Variants in MAML3 observed in about 807,000 individuals in gnomAD.
MAML3 encodes the protein mastermind-like protein 3.
A neutral mutation model predicts 101.9 loss-of-function variants in MAML3; 27 were observed. The observed-to-expected ratio is 0.27, with a 90% CI of 0.20 to 0.37. The LOEUF is 0.37. Ranked by LOEUF, MAML3 falls within the 10% of genes least tolerant of loss-of-function variation. MAML3 has a pLI of 1.00. For missense variants in MAML3, 1,316 were observed against 1,444.9 expected (o/e 0.91, Z 1.45); for synonymous variants, 501 against 555.9 (o/e 0.90, Z 1.39).
intron 1 of MAML3, among the ~76,000 whole-genome samples, chr4:140,062,421 T>C (rs1209933385): frequency 1.3e-5 from 2 of 152,102 alleles, no homozygotes; most frequent in Non-Finnish European, 2.9e-5. Flanking sequence ...TCAGATATTC[T>C]TGGGGCAGGG....
intron 1 of MAML3, among the ~76,000 whole-genome samples, chr4:140,151,568 C>T (rs1244648252): frequency 6.6e-6 from 1 of 152,094 alleles, no homozygotes; most frequent in Non-Finnish European, 1.5e-5. Flanking sequence ...AGGGCCGCCC[C>T]TGCCGGGCTC....
Position 139,932,616 on chromosome 4 carries a change from G to A in MAML3, c.469-41649C>T, listed in dbSNP as rs191398575. 2.6e-3 allele frequency among the ~76,000 whole-genome samples: 402 copies of A among 152,276 alleles called. 2 individuals carry two copies. The highest frequency in any genetic ancestry group is 8.7e-3 in the African/African-American group (363 of 41,546). On this transcript the variant is annotated intron_variant, in intron 1 of 4. Coordinates refer to ENST00000509479, the MANE Select transcript of MAML3 (RefSeq NM_018717.5). ...CTAATAGACACTATCTTTGAACCAAGTCTTTGCTAGTCCAAGGAGATATCA... is the reference window on the plus strand; with the variant it reads ...CTAATAGACACTATCTTTGAACCAAATCTTTGCTAGTCCAAGGAGATATCA...
At chr4:139,874,820 T>C (rs542404856) in intron 2 of MAML3, among the ~76,000 whole-genome samples, 1,974 of 151,156 alleles carry the variant, frequency 0.013, 35 homozygotes, top group African/African-American at 0.046. Context: ...TTTTTTTTTT[T>C]TGAGATGGAG....
intron 1 of MAML3, among the ~76,000 whole-genome samples, chr4:140,145,871 C>CTTTTT (rs1320602930): frequency 1.5e-4 from 5 of 32,692 alleles, no homozygotes; most frequent in Non-Finnish European, 4.0e-4. Flanking sequence ...CCTTTTTTTT[C>CTTTTT]TTTTTTCTTT....
chr4:140,083,929 CG>C (rs1727903379), intron 1 of MAML3, among the ~76,000 whole-genome samples: 2 of 85,260 alleles, frequency 2.3e-5, no homozygotes, highest in Non-Finnish European at 4.5e-5. Context: ...AACACACACG[CG>C]CGCACACACA....
At chr4:139,935,505 C>T (rs893116262) in intron 1 of MAML3, among the ~76,000 whole-genome samples, 1 of 152,018 alleles carries the variant, frequency 6.6e-6, no homozygotes, top group Admixed American at 6.6e-5. Context: ...AACTCCCTGC[C>T]CTCCTTCTCT....
chr4:140,028,462 C>A (rs954802102), intron 1 of MAML3, among the ~76,000 whole-genome samples: 1 of 152,208 alleles, frequency 6.6e-6, no homozygotes, highest in Non-Finnish European at 1.5e-5. Context: ...CTCCTTCTCT[C>A]TCTCTCTTTC....
At chr4:139,904,896 TATCTAAACAC>T (rs1236374417) in intron 1 of MAML3, among the ~76,000 whole-genome samples, 3 of 152,202 alleles carry the variant, frequency 2.0e-5, no homozygotes, top group Non-Finnish European at 4.4e-5. Context: ...TATCTAACCA[TATCTAAACAC>T]AGAAAAGGTA....
chr4:139,865,488 T>C (rs893998506), intron 2 of MAML3, among the ~76,000 whole-genome samples: 2 of 99,744 alleles, frequency 2.0e-5, no homozygotes, highest in Admixed American at 8.6e-5. Flanking sequence ...GTAAAAGGTT[T>C]TTTTTTTGTT....
chr4:139,940,224 C>T (rs891607319), intron 1 of MAML3, among the ~76,000 whole-genome samples: 1 of 152,188 alleles, frequency 6.6e-6, no homozygotes, highest in Non-Finnish European at 1.5e-5. Context: ...ACCCTCACCA[C>T]CAATACTGCT....
intron 1 of MAML3, among the ~76,000 whole-genome samples, chr4:139,928,113 G>A (rs1446227587): frequency 6.6e-6 from 1 of 152,128 alleles, no homozygotes. Context: ...ATGAGTTACT[G>A]CTAGCCTGAT....
At chr4:140,068,634 T>C (rs1248589020) in intron 1 of MAML3, among the ~76,000 whole-genome samples, 1 of 152,250 alleles carries the variant, frequency 6.6e-6, no homozygotes, top group Non-Finnish European at 1.5e-5. Context: ...CTTTAAAATA[T>C]ATTACTTTAC....
intron 1 of MAML3, among the ~76,000 whole-genome samples, chr4:139,975,852 TAAC>T (rs1734329818): frequency 2.0e-5 from 3 of 152,120 alleles, no homozygotes; most frequent in South Asian, 4.1e-4. Context: ...CATCAAGAAA[TAAC>T]AACCAGGGGC....
chr4:139,755,003 G>A (rs992852714), intron 2 of MAML3, among the ~76,000 whole-genome samples: 3 of 152,166 alleles, frequency 2.0e-5, no homozygotes, highest in African/African-American at 7.2e-5. Context: ...TCGGCGTGGC[G>A]AATGCCTGAG....
At chr4:139,818,480 C>T (rs527247563) in intron 2 of MAML3, among the ~76,000 whole-genome samples, 1 of 152,296 alleles carries the variant, frequency 6.6e-6, no homozygotes, top group South Asian at 2.1e-4. Flanking sequence ...GAGATTTTTT[C>T]TAACTAATTG....
intron 1 of MAML3, among the ~76,000 whole-genome samples, chr4:140,009,159 A>C (rs767257109): frequency 6.6e-6 from 1 of 152,180 alleles, no homozygotes; most frequent in Non-Finnish European, 1.5e-5. Context: ...GCTGAGACAA[A>C]ACATCAGCCT....
chr4:140,065,332 C>CA (rs1286466534), intron 1 of MAML3, among the ~76,000 whole-genome samples: 9 of 151,220 alleles, frequency 6.0e-5, no homozygotes, highest in African/African-American at 1.9e-4. Context: ...AGAAGCCGAT[C>CA]TCTCTAGTAT....
intron 2 of MAML3, among the ~76,000 whole-genome samples, chr4:139,799,576 A>C (rs535003131): frequency 2.6e-4 from 39 of 152,354 alleles, no homozygotes; most frequent in Admixed American, 2.4e-3. Context: ...TCCTCATAAG[A>C]CAGTACATTT....
intron 1 of MAML3, among the ~76,000 whole-genome samples, chr4:139,949,824 T>A (rs908283361): frequency 6.6e-6 from 1 of 152,218 alleles, no homozygotes. Flanking sequence ...AATATAGATG[T>A]TGCTAGGAAG....
Sources: allele counts gnomAD v4.1 joint callset (sites outside exome capture counted in the v4.1 genomes callset), GRCh38; gene constraint gnomAD v4.1.1; transcripts MANE v1.5; gene names NCBI Gene and HGNC (gene_info 2026-07-23, HGNC 2026-07-21).